Variants in USP45 observed in about 807,000 individuals in gnomAD.
USP45 encodes ubiquitin specific peptidase 45, also known as ubiquitin carboxyl-terminal hydrolase 45.
Under a neutral mutation model 95.8 loss-of-function variants are expected in USP45, and 89 were observed. That is an observed-to-expected ratio of 0.93 (90% CI 0.78 to 1.11). The LOEUF is 1.11. Among genes scored for constraint, USP45 ranks in the 50% least tolerant of loss-of-function variants. The pLI, the probability that USP45 is intolerant of heterozygous loss-of-function variation, is 0.00. For synonymous variants in USP45, 281 were observed against 316.2 expected (o/e 0.89, Z 1.18); for missense variants, 898 against 942.5 (o/e 0.95, Z 0.62).
At chr6:99,488,544 G>A in intron 6 of USP45, 137 bp downstream of exon 6, 2 of 958,876 alleles carry the variant, frequency 2.1e-6, no homozygotes, top group Non-Finnish European at 3.1e-6. Context: ...GATGGCCCAA[G>A]ATAGCGTAAA....
intron 16 of USP45, 98 bp from the exon 17 acceptor site, chr6:99,437,497 G>C: frequency 8.1e-7 from 1 of 1,231,702 alleles, no homozygotes. Context: ...TAAGAAAAAT[G>C]CATAGTAAAA....
chr6:99,471,145 G>A (rs146220786), intron 9 of USP45, among the ~76,000 whole-genome samples: 1,779 of 152,190 alleles, frequency 0.012, 84 homozygotes, highest in Admixed American at 0.083. Flanking sequence ...GATCCTAACC[G>A]TGAATTTATA....
intron 5 of USP45, among the ~76,000 whole-genome samples, chr6:99,494,324 AAAGTTTTTAAAGCT>A (rs1225346117): frequency 6.6e-6 from 1 of 152,204 alleles, no homozygotes; most frequent in Admixed American, 6.5e-5. Context: ...TCGGCACTTT[AAAGTTTTTAAAGCT>A]CTTGTACATC....
At chr6:99,480,031 C>T (rs548055691) in intron 8 of USP45, among the ~76,000 whole-genome samples, 1 of 152,220 alleles carries the variant, frequency 6.6e-6, no homozygotes, top group East Asian at 1.9e-4. Context: ...GCTAAGAGAA[C>T]TAGTAAAGCA....
intron 9 of USP45, among the ~76,000 whole-genome samples, chr6:99,469,114 C>T (rs1212156272): frequency 1.3e-5 from 2 of 151,978 alleles, no homozygotes; most frequent in African/African-American, 2.4e-5. Flanking sequence ...TAACTAAAGT[C>T]CAAATTTATC....
intron 13 of USP45, among the ~76,000 whole-genome samples, chr6:99,458,849 A>G (rs941928714): frequency 2.6e-5 from 4 of 152,218 alleles, no homozygotes; most frequent in Admixed American, 1.3e-4. Flanking sequence ...GCCCACAGGT[A>G]AGACAAAGAA....
chr6:99,490,729 C>T (rs1310013364), intron 5 of USP45, among the ~76,000 whole-genome samples: 2 of 151,972 alleles, frequency 1.3e-5, no homozygotes, highest in Non-Finnish European at 2.9e-5. Flanking sequence ...ACGTCTCTGA[C>T]AAGTTCTTAA....
At chr6:99,511,884 TATAC>T (rs1799962061) in intron 1 of USP45, among the ~76,000 whole-genome samples, 5 of 142,960 alleles carry the variant, frequency 3.5e-5, no homozygotes, top group South Asian at 2.2e-4. Context: ...TATATATATA[TATAC>T]ACATAGTTGA....
chr6:99,494,092 A>G (rs1795783815), intron 5 of USP45, among the ~76,000 whole-genome samples: 1 of 152,182 alleles, frequency 6.6e-6, no homozygotes, highest in Non-Finnish European at 1.5e-5. Context: ...CCACACCTAC[A>G]AAAAAAGTGG....
At chr6:99,467,330 C>T (rs547628226) in intron 10 of USP45, among the ~76,000 whole-genome samples, 24 of 152,138 alleles carry the variant, frequency 1.6e-4, no homozygotes, top group African/African-American at 3.6e-4. Context: ...AAACCATGAA[C>T]GCAGTTTAAG....
intron 13 of USP45, among the ~76,000 whole-genome samples, chr6:99,454,799 A>G (rs959348420): frequency 3.9e-5 from 6 of 152,148 alleles, no homozygotes; most frequent in African/African-American, 7.2e-5. Context: ...AGAAAACAGT[A>G]TGGAGATGGC....
intron 14 of USP45, among the ~76,000 whole-genome samples, chr6:99,445,099 T>C (rs1027093622): frequency 6.6e-6 from 1 of 152,216 alleles, no homozygotes; most frequent in Non-Finnish European, 1.5e-5. Flanking sequence ...TTTAAAATCT[T>C]CAAAATTTAT....
intron 15 of USP45, among the ~76,000 whole-genome samples, chr6:99,440,384 T>G (rs1020987475): frequency 1.3e-5 from 2 of 152,224 alleles, no homozygotes; most frequent in Non-Finnish European, 2.9e-5. Flanking sequence ...AATTGTACTT[T>G]TATGTTCTTA....
At chr6:99,488,929 G>GA in intron 5 of USP45, 109 bp from the exon 6 acceptor site, 1 of 831,042 alleles carries the variant, frequency 1.2e-6, no homozygotes, top group Non-Finnish European at 1.7e-6. Context: ...TTATCTCCCT[G>GA]AATCAGTGTT....
rs1287687590 is a variant in USP45, at chr6:99,508,674, CTTCT to C, written c.205_208del (p.Arg69AspfsTer7). 1 of 1,613,836 alleles carries C rather than the reference CTTCT, an allele frequency of 6.2e-7. No homozygotes were observed. Among genetic ancestry groups the C allele is most frequent in the Admixed American group, 1.7e-5 (1 of 60,008 alleles). On this transcript the variant is annotated frameshift_variant, in exon 3 of 18. Transcript: ENST00000500704. LOFTEE classifies it high-confidence loss of function. ...AAGTACTAGCTGCCCATCATAGAAT[CTTCT>C]TTCTTTTAAACATTCTGAGCAAACT...
Position 99,480,880 on chromosome 6 carries a change from A to G in USP45, c.845+1873T>C, listed in dbSNP as rs1445246432. ...AATCTTTACTTGATTTTAAAAAAATATATTTGTCTAATGTATACTTCTTTT... is the reference window on the plus strand; with the variant it reads ...AATCTTTACTTGATTTTAAAAAAATGTATTTGTCTAATGTATACTTCTTTT... On this transcript the variant is annotated intron_variant, in intron 8 of 17. Coordinates refer to ENST00000500704, the MANE Select transcript of USP45 (RefSeq NM_001346022.3). Among the ~76,000 whole-genome samples, 52 of 152,216 alleles carry G rather than the reference A, an allele frequency of 3.4e-4. 1 individual carries two copies. The highest frequency in any genetic ancestry group is 3.3e-3 in the Admixed American group (51 of 15,278).
In USP45 at chr6:99,493,953, A is replaced by C. The variant is rs372965599; in HGVS notation, c.479-5133T>G. On this transcript the variant is annotated intron_variant, in intron 5 of 17. Coordinates refer to ENST00000500704, the MANE Select transcript of USP45 (RefSeq NM_001346022.3). ...TCTTCCTTTATAAACACAGAACCAA[A>C]TACAATAAGGAATGAACTTCAAGAT... is the stretch of plus-strand genomic sequence containing the variant. 4.6e-5 allele frequency among the ~76,000 whole-genome samples: 7 copies of C among 152,332 alleles called. No homozygotes were observed. The East Asian group carries it at 7.7e-4, about 17-fold the overall frequency.
Position 99,465,068 on chromosome 6 carries a change from TC to T in USP45, c.1164+11del. ...TTCACCAAAGCTTCATCATTAGTTT[TC>T]TTCTCCTTACCCTTTCTTCTATTAT... is the stretch of plus-strand genomic sequence containing the variant. On this transcript the variant is annotated intron_variant, in intron 12 of 17. Coordinates refer to ENST00000500704, the MANE Select transcript of USP45 (RefSeq NM_001346022.3). 1 of 1,578,506 alleles carries T rather than the reference TC, an allele frequency of 6.3e-7. No individual in the cohort carries two copies. The highest frequency in any genetic ancestry group is 1.2e-5 in the South Asian group (1 of 85,590).
At chr6:99,515,053 C>G (rs1800861596) in intron 1 of USP45, 1 of 152,366 alleles carries the variant, frequency 6.6e-6, no homozygotes, top group Admixed American at 6.5e-5. Flanking sequence ...AACACACACA[C>G]ACCCCGAGGA....
Sources: gnomAD v4.1 joint callset for allele counts (sites outside exome capture counted in the v4.1 genomes callset) on GRCh38, gnomAD v4.1.1 for gene constraint, MANE v1.5 for transcripts, NCBI Gene and HGNC (gene_info 2026-07-23, HGNC 2026-07-21) for gene names.